Variants in PODXL observed in about 807,000 individuals in gnomAD.
PODXL encodes the protein podocalyxin like.
Under a neutral mutation model 48.9 loss-of-function variants are expected in PODXL, and 20 were observed. That is an observed-to-expected ratio of 0.41 (90% CI 0.29 to 0.59). The LOEUF is 0.59. Among genes scored for constraint, PODXL ranks in the 20% least tolerant of loss-of-function variants. The pLI is 0.31. For missense variants in PODXL, 606 were observed against 675.1 expected, an observed-to-expected ratio of 0.90 and a Z score of 1.13; for synonymous variants, 295 against 287.4, an observed-to-expected ratio of 1.03 and a Z score of -0.27.
At chr7:131,509,993 C>T (rs1484213720) in intron 3 of PODXL, among the ~76,000 whole-genome samples, 1 of 152,188 alleles carries the variant, frequency 6.6e-6, no homozygotes, top group Admixed American at 6.5e-5. Flanking sequence ...CGCACTCCTA[C>T]TGTGTGGCAC....
At chr7:131,515,901 C>G (rs575648094) in intron 1 of PODXL, among the ~76,000 whole-genome samples, 2 of 152,134 alleles carry the variant, frequency 1.3e-5, no homozygotes, top group African/African-American at 4.8e-5. Context: ...TTCTTCATAC[C>G]TATAACAACA....
At chr7:131,508,725 T>C (rs1584808755) in intron 5 of PODXL, among the ~76,000 whole-genome samples, 1 of 141,522 alleles carries the variant, frequency 7.1e-6, no homozygotes, top group African/African-American at 2.6e-5. Flanking sequence ...GAGGGGGGGG[T>C]CCAGTCCTGT....
At chr7:131,549,330 T>C (rs1285959708) in intron 1 of PODXL, among the ~76,000 whole-genome samples, 1 of 152,126 alleles carries the variant, frequency 6.6e-6, no homozygotes, top group Non-Finnish European at 1.5e-5. Context: ...CTCTCTGGAA[T>C]GGTCTGTGAG....
chr7:131,544,569 C>A lies in PODXL; in HGVS notation c.100+11691G>T, dbSNP rs1798535247. Among the ~76,000 whole-genome samples, 2 of 152,008 alleles carry A rather than the reference C, an allele frequency of 1.3e-5. 1 individual carries two copies. Among genetic ancestry groups the A allele is most frequent in the South Asian group, 4.2e-4 (2 of 4,814 alleles). On this transcript the variant is annotated intron_variant, in intron 1 of 8. Coordinates refer to ENST00000378555, the MANE Select transcript of PODXL (RefSeq NM_001018111.3). ...AACTTTTTGGGCGGTGCTCTCAGGG[C>A]CTCCAGATCAGGGAGGCGTGGGCAG...
intron 1 of PODXL, among the ~76,000 whole-genome samples, chr7:131,548,188 A>C (rs990375917): frequency 2.0e-5 from 3 of 152,258 alleles, no homozygotes; most frequent in Non-Finnish European, 2.9e-5. Context: ...GTGTTTCCTG[A>C]GAGCTGTGTG....
At chr7:131,524,090 C>T (rs1372993811) in intron 1 of PODXL, among the ~76,000 whole-genome samples, 1 of 152,094 alleles carries the variant, frequency 6.6e-6, no homozygotes, top group Non-Finnish European at 1.5e-5. Context: ...TGAGCCACTG[C>T]ACCTGGCCCA....
At chr7:131,505,523 TGTAA>T (rs1351535733) in intron 8 of PODXL, among the ~76,000 whole-genome samples, 1 of 152,110 alleles carries the variant, frequency 6.6e-6, no homozygotes, top group East Asian at 1.9e-4. Flanking sequence ...GGTGGGCACC[TGTAA>T]TCCCAGCTAC....
At chr7:131,543,789 T>C (rs1181525092) in intron 1 of PODXL, among the ~76,000 whole-genome samples, 2 of 152,098 alleles carry the variant, frequency 1.3e-5, no homozygotes, top group Non-Finnish European at 2.9e-5. Context: ...CTACAGGACA[T>C]GTGTCCATGC....
intron 1 of PODXL, among the ~76,000 whole-genome samples, chr7:131,521,489 G>A (rs934410361): frequency 6.6e-6 from 1 of 151,970 alleles, no homozygotes; most frequent in Non-Finnish European, 1.5e-5. Context: ...TTATAGGCAT[G>A]CACCACCACG....
At chr7:131,531,808 T>C (rs1231519743) in intron 1 of PODXL, among the ~76,000 whole-genome samples, 1 of 152,184 alleles carries the variant, frequency 6.6e-6, no homozygotes, top group Non-Finnish European at 1.5e-5. Context: ...TTTGTCCACA[T>C]AAGTTAATAA....
At chr7:131,507,325 G>A (rs1797826269) in intron 5 of PODXL, among the ~76,000 whole-genome samples, 1 of 152,208 alleles carries the variant, frequency 6.6e-6, no homozygotes, top group South Asian at 2.1e-4. Context: ...GGGAACAGGT[G>A]GGATCTTGAA....
At chr7:131,553,734 G>A (rs2116876291) in intron 1 of PODXL, among the ~76,000 whole-genome samples, 1 of 152,340 alleles carries the variant, frequency 6.6e-6, no homozygotes, top group South Asian at 2.1e-4. Flanking sequence ...ACATCAGATT[G>A]AGAGTACTGA....
At chr7:131,536,589 G>C (rs974743192) in intron 1 of PODXL, among the ~76,000 whole-genome samples, 1 of 152,134 alleles carries the variant, frequency 6.6e-6, no homozygotes, top group Non-Finnish European at 1.5e-5. Flanking sequence ...GCAGGTTAAG[G>C]CGCCTAATCT....
chr7:131,534,927 C>G (rs1281368151), intron 1 of PODXL, among the ~76,000 whole-genome samples: 1 of 151,938 alleles, frequency 6.6e-6, no homozygotes, highest in East Asian at 1.9e-4. Flanking sequence ...GTGCTGTAGC[C>G]TGTAGTCCTA....
chr7:131,527,193 T>C (rs1798201909), intron 1 of PODXL, among the ~76,000 whole-genome samples: 1 of 152,210 alleles, frequency 6.6e-6, no homozygotes, highest in African/African-American at 2.4e-5. Flanking sequence ...CAGTTGACAG[T>C]ACAGCTGACA....
intron 1 of PODXL, among the ~76,000 whole-genome samples, chr7:131,528,671 T>G (rs1798225626): frequency 6.6e-6 from 1 of 152,222 alleles, no homozygotes; most frequent in African/African-American, 2.4e-5. Context: ...AATTTAAAGT[T>G]AATGCAATCG....
rs1377281489 is a variant in PODXL at position 131,500,796 on chromosome 7, G to C, written c.*3515C>G. The stretch of plus-strand genomic sequence containing the variant: ...GGGTAACAACTGGGAAAGGAATTCT[G>C]TCCTTTGTGTCATTCTGGCACCTTC... On this transcript the variant is annotated 3_prime_UTR_variant, in exon 9 of 9. Transcript: ENST00000378555. 6.6e-6 allele frequency: 1 copy of C among 152,184 alleles called. No individual in the cohort carries two copies. The highest frequency in any genetic ancestry group is 6.5e-5 in the Admixed American group (1 of 15,278). The allele number at this position is 152,184 out of a possible 1,614,324, so 9.4% of individuals were successfully genotyped here. A position where few individuals can be genotyped will look rare whatever the true frequency, so the allele number is the denominator to read the frequency against.
intron 1 of PODXL, among the ~76,000 whole-genome samples, chr7:131,512,994 C>CAAAAAAAAAA (rs60701480): frequency 1.0e-5 from 1 of 95,818 alleles, no homozygotes; most frequent in Admixed American, 1.3e-4. Flanking sequence ...GACTCCGTCT[C>CAAAAAAAAAA]AAAAAAAAAA....
chr7:131,512,144 G>A (rs1797923963), intron 1 of PODXL, among the ~76,000 whole-genome samples: 1 of 152,236 alleles, frequency 6.6e-6, no homozygotes, highest in Admixed American at 6.5e-5. Context: ...TAGGTGAGCT[G>A]TGCCAAGAAA....
Sources: gnomAD v4.1 joint callset for allele counts (sites outside exome capture counted in the v4.1 genomes callset) on GRCh38, gnomAD v4.1.1 for gene constraint, MANE v1.5 for transcripts, NCBI Gene and HGNC (gene_info 2026-07-23, HGNC 2026-07-21) for gene names.